The following RBM45 variants were observed in gnomAD, a reference collection of about 807,000 sequenced individuals.
The protein encoded by RBM45 is RNA-binding protein 45.
RBM45 carries 39 observed loss-of-function variants against 58.5 expected under a neutral mutation model. The ratio of observed to expected loss-of-function variants is 0.67; its 90% CI spans 0.52 to 0.87. The LOEUF (loss-of-function observed/expected upper bound fraction) is 0.87, where lower values mean the gene tolerates loss of function less well. Among genes scored for constraint, RBM45 ranks in the 40% least tolerant of loss-of-function variants. The pLI, the probability that RBM45 is intolerant of heterozygous loss-of-function variation, is 0.00. For missense variants in RBM45, 481 were observed against 581.6 expected (o/e 0.83, Z 1.78); for synonymous variants, 193 against 203.0 (o/e 0.95, Z 0.42).
intron 3 of RBM45, among the ~76,000 whole-genome samples, chr2:178,134,717 C>T (rs1245426550): frequency 3.3e-5 from 5 of 152,046 alleles, no homozygotes; most frequent in Admixed American, 6.5e-5. Flanking sequence ...CTGGGCCGGG[C>T]GCAGTGGCTG....
intron 5 of RBM45, among the ~76,000 whole-genome samples, chr2:178,121,733 G>A (rs2087855858): frequency 6.6e-6 from 1 of 151,980 alleles, no homozygotes; most frequent in Non-Finnish European, 1.5e-5. Flanking sequence ...ACAAAGTTAC[G>A]AAACTCACAA....
At chr2:178,118,996 G>A (rs1256012311) in intron 3 of RBM45, among the ~76,000 whole-genome samples, 2 of 150,858 alleles carry the variant, frequency 1.3e-5, no homozygotes, top group Non-Finnish European at 2.9e-5. Context: ...GAAGTATATG[G>A]CAGCCCTCAC....
chr2:178,116,036 C>T (rs1379426169), intron 1 of RBM45, among the ~76,000 whole-genome samples: 1 of 151,712 alleles, frequency 6.6e-6, no homozygotes, highest in Non-Finnish European at 1.5e-5. Flanking sequence ...CCTGTGGTCC[C>T]AGCTACTTGG....
chr2:178,118,299 G>A, intron 3 of RBM45, 118 bp downstream of exon 3: 2 of 983,200 alleles, frequency 2.0e-6, no homozygotes, highest in South Asian at 4.7e-5. Context: ...TTTTAGCAGT[G>A]GGTATTTAAA....
exon 4 of RBM45, chr2:178,137,026 G>T (rs955358410): frequency 6.6e-6 from 1 of 152,098 alleles, no homozygotes; most frequent in African/African-American, 2.4e-5. Flanking sequence ...TTTTGTTTTG[G>T]GGTTGTTTTG....
chr2:178,132,778 C>A (rs1319958233), downstream of RBM45, among the ~76,000 whole-genome samples: 3 of 152,094 alleles, frequency 2.0e-5, no homozygotes, highest in Admixed American at 2.0e-4. Flanking sequence ...TTAGTAGAGA[C>A]AGTTTCTCCA....
At chr2:178,114,623 CTG>C (rs2087748727) in intron 1 of RBM45, among the ~76,000 whole-genome samples, 1 of 152,128 alleles carries the variant, frequency 6.6e-6, no homozygotes, top group African/African-American at 2.4e-5. Flanking sequence ...GAATCTCACT[CTG>C]TCACCCAGGC....
At chr2:178,130,440 G>T (rs575504867), downstream of RBM45, among the ~76,000 whole-genome samples, 9 of 152,138 alleles carry the variant, frequency 5.9e-5, no homozygotes, top group African/African-American at 2.2e-4. Flanking sequence ...CGGAAGGATT[G>T]CTTGAGCCTA....
chr2:178,138,994 A>G (rs932066266), exon 4 of RBM45: 3 of 151,946 alleles, frequency 2.0e-5, no homozygotes, highest in African/African-American at 7.2e-5. Context: ...GTGCTTAATA[A>G]TAAAATTAAT....
At chr2:178,130,979 C>T (rs181248579), downstream of RBM45, among the ~76,000 whole-genome samples, 5 of 152,232 alleles carry the variant, frequency 3.3e-5, no homozygotes, top group East Asian at 7.7e-4. Context: ...TGCAGTGGCG[C>T]GACTGTAGTC....
intron 3 of RBM45, among the ~76,000 whole-genome samples, chr2:178,136,271 C>A (rs1472448234): frequency 2.0e-5 from 3 of 152,236 alleles, no homozygotes; most frequent in Non-Finnish European, 4.4e-5. Context: ...GATCACGCCA[C>A]TGCACTCCAG....
At chr2:178,116,452 T>C (rs572487573) in intron 2 of RBM45, 68 bp downstream of exon 2, 1 of 1,357,000 alleles carries the variant, frequency 7.4e-7, no homozygotes, top group South Asian at 1.8e-5. Context: ...GGGTACTAAA[T>C]CTGAAATGTT....
intron 1 of RBM45, 90 bp from the exon 2 acceptor site, chr2:178,116,172 T>G (rs1261863281): frequency 2.1e-6 from 3 of 1,451,146 alleles, no homozygotes; most frequent in East Asian, 4.9e-5. Flanking sequence ...TAAAAAAAAG[T>G]CATTGCAAGA....
At chr2:178,121,415 C>T (rs200061019) in intron 5 of RBM45, 56 bp downstream of exon 5, 63,242 of 627,720 alleles carry the variant, frequency 0.1, 7,823 homozygotes, top group Non-Finnish European at 0.12. Flanking sequence ...CACACACACA[C>T]ACACACACAC....
chr2:178,118,061 G>C lies in RBM45; in HGVS notation c.430G>C (p.Gly144Arg). Reference sequence around the variant, plus strand: ...TGTCTTTTAACTCTCTTAGGTGTATGGAGATATCGAGTATTGCAGCATTAT... The same window carrying C: ...TGTCTTTTAACTCTCTTAGGTGTATCGAGATATCGAGTATTGCAGCATTAT... ...EDLREKFKVY[G>R]DIEYCSIIKN... Residue 144 changes from glycine (G) to arginine (R), a missense_variant, in exon 3 of 10, where the codon GGA (glycine) becomes CGA (arginine). Transcript: ENST00000286070. The C allele has an allele frequency of 1.2e-6, 2 of 1,608,998 alleles. No individual in the cohort carries two copies. Among genetic ancestry groups the C allele is most frequent in the Non-Finnish European group, 1.7e-6 (2 of 1,177,020 alleles).
At position 178,112,851 on chromosome 2, in the gene RBM45, G is replaced by A. The variant is rs2087722737; in HGVS notation, c.300+5G>A. On this transcript the variant is annotated splice_donor_5th_base_variant and intron_variant, in intron 1 of 9. Transcript: ENST00000286070. The stretch of plus-strand genomic sequence containing the variant: ...AACGACACCAAGCCCATCAAGGTGC[G>A]GGTGCCCGGGTCGGGGTGCCCTCGG... 1 of 1,599,666 alleles carries A rather than the reference G, an allele frequency of 6.3e-7. No homozygotes were observed. Among genetic ancestry groups the A allele is most frequent in the African/African-American group, 1.3e-5 (1 of 74,680 alleles).
intron 3 of RBM45, among the ~76,000 whole-genome samples, chr2:178,119,309 G>A (rs1324775825): frequency 6.6e-6 from 1 of 152,210 alleles, no homozygotes; most frequent in Non-Finnish European, 1.5e-5. Context: ...AACACATGCC[G>A]AGGGGGTAGG....
chr2:178,128,782 CG>C (rs2087969420), intron 9 of RBM45, among the ~76,000 whole-genome samples: 1 of 152,052 alleles, frequency 6.6e-6, no homozygotes, highest in East Asian at 1.9e-4. Context: ...ATTTTTGCTG[CG>C]GATCTCCTAT....
At chr2:178,118,943 C>T (rs2087813770) in intron 3 of RBM45, among the ~76,000 whole-genome samples, 1 of 152,086 alleles carries the variant, frequency 6.6e-6, no homozygotes. Context: ...TAATTGAGTA[C>T]CTGCAGTATA....
Sources: allele counts gnomAD v4.1 joint callset (sites outside exome capture counted in the v4.1 genomes callset), GRCh38; gene constraint gnomAD v4.1.1; transcripts MANE v1.5; gene names NCBI Gene and HGNC (gene_info 2026-07-23, HGNC 2026-07-21).